Variants in DROSHA observed in about 807,000 individuals in gnomAD.
DROSHA encodes drosha ribonuclease III.
DROSHA carries 56 observed loss-of-function variants against 181.9 expected under a neutral mutation model. That is an observed-to-expected ratio of 0.31 (90% CI 0.25 to 0.38). The LOEUF (loss-of-function observed/expected upper bound fraction) is 0.38, where lower values mean the gene tolerates loss of function less well. Among genes scored for constraint, DROSHA ranks in the 10% least tolerant of loss-of-function variants. The pLI, the probability that DROSHA is intolerant of heterozygous loss-of-function variation, is 1.00. For missense variants in DROSHA, 1,218 were observed against 1,743.5 expected, an observed-to-expected ratio of 0.70 and a Z score of 5.37; for synonymous variants, 524 against 591.2, an observed-to-expected ratio of 0.89 and a Z score of 1.65.
chr5:31,492,495 A>G (rs1033021896), intron 13 of DROSHA, among the ~76,000 whole-genome samples: 1 of 152,262 alleles, frequency 6.6e-6, no homozygotes, highest in African/African-American at 2.4e-5. Flanking sequence ...TGGATATACA[A>G]TAGCTACAAT....
At chr5:31,498,896 C>T (rs957867958) in intron 11 of DROSHA, among the ~76,000 whole-genome samples, 3 of 151,966 alleles carry the variant, frequency 2.0e-5, no homozygotes, top group Admixed American at 6.6e-5. Context: ...AAAGCCAGCA[C>T]AAGAAGTGTG....
chr5:31,528,068 TG>T (rs1740806202), intron 4 of DROSHA, among the ~76,000 whole-genome samples: 2 of 152,136 alleles, frequency 1.3e-5, no homozygotes, highest in East Asian at 1.9e-4. Context: ...CCTACTTCTC[TG>T]GCTGTTCCTC....
intron 11 of DROSHA, among the ~76,000 whole-genome samples, chr5:31,502,181 A>G (rs1395423799): frequency 6.6e-6 from 1 of 152,240 alleles, no homozygotes; most frequent in Non-Finnish European, 1.5e-5. Context: ...CACAAACAGC[A>G]TCAACAGCTG....
intron 20 of DROSHA, among the ~76,000 whole-genome samples, chr5:31,454,989 G>A (rs548826515): frequency 6.8e-5 from 10 of 146,922 alleles, no homozygotes; most frequent in Non-Finnish European, 1.5e-4. Flanking sequence ...AATAACCTTC[G>A]AAATAAGAAA....
intron 24 of DROSHA, among the ~76,000 whole-genome samples, chr5:31,436,745 C>CACACAA (rs1391990077): frequency 0.026 from 86 of 3,358 alleles, 1 homozygote; most frequent in Admixed American, 0.036. Context: ...GAGAGAAACA[C>CACACAA]ACACACACAC....
intron 24 of DROSHA, 61 bp from the exon 25 acceptor site, chr5:31,435,925 T>A: frequency 2.0e-6 from 3 of 1,487,140 alleles, no homozygotes; most frequent in African/African-American, 1.4e-5. Flanking sequence ...TCTGTGGCTC[T>A]GAGTCACAGA....
chr5:31,493,638 G>A lies in DROSHA; in HGVS notation c.1756-345C>T, dbSNP rs1261961829. ...TCTGAACTAACAGAAGTCCTAACAG[G>A]AGCAAGGTAATAACACAGCTGACTC... is the stretch of plus-strand genomic sequence containing the variant. On this transcript the variant is annotated intron_variant, in intron 12 of 35. Coordinates refer to ENST00000344624, the MANE Select transcript of DROSHA (RefSeq NM_001382508.1). 2.2e-4 allele frequency among the ~76,000 whole-genome samples: 34 copies of A among 152,032 alleles called. 1 individual carries two copies. Among genetic ancestry groups the A allele is most frequent in the Admixed American group, 2.2e-3 (34 of 15,268 alleles).
intron 24 of DROSHA, 41 bp from the exon 25 acceptor site, chr5:31,435,905 C>G: frequency 5.7e-6 from 9 of 1,579,804 alleles, no homozygotes; most frequent in Non-Finnish European, 7.8e-6. Context: ...ATATGCATCA[C>G]GACATTCTGT....
chr5:31,447,595 T>G lies in DROSHA; in HGVS notation c.2882+952A>C, dbSNP rs190572954. Among the ~76,000 whole-genome samples the G allele has an allele frequency of 9.2e-5, 14 of 152,282 alleles. No homozygotes were observed. The East Asian group carries it at 1.7e-3, about 19-fold the overall frequency. ...GACAATTCACAGAATGAAAAAAATT[T>G]TTGCAAATCTGATAAGGAATTTGTA... On this transcript the variant is annotated intron_variant, in intron 23 of 35. Transcript: ENST00000344624.
At chr5:31,500,829 C>A (rs1753501854) in intron 11 of DROSHA, among the ~76,000 whole-genome samples, 1 of 152,158 alleles carries the variant, frequency 6.6e-6, no homozygotes, top group South Asian at 2.1e-4. Flanking sequence ...GTCTGACCCA[C>A]AAAGAGTCAT....
chr5:31,449,533 G>T, intron 21 of DROSHA, 114 bp from the exon 22 acceptor site: 3 of 1,161,410 alleles, frequency 2.6e-6, no homozygotes, highest in Non-Finnish European at 3.6e-6. Context: ...ATCAAGACTA[G>T]CCTGGGCAAC....
At chr5:31,499,316 A>G (rs903214750) in intron 11 of DROSHA, among the ~76,000 whole-genome samples, 11 of 152,150 alleles carry the variant, frequency 7.2e-5, no homozygotes, top group African/African-American at 2.7e-4. Context: ...CCAAAACTCC[A>G]TCTTAGCATC....
chr5:31,405,427 G>A (rs1206851659), intron 35 of DROSHA, among the ~76,000 whole-genome samples: 1 of 150,244 alleles, frequency 6.7e-6, no homozygotes, highest in Non-Finnish European at 1.5e-5. Context: ...CAGGTCACCC[G>A]CGCTGAGATT....
At chr5:31,434,617 C>G (rs1744572043) in intron 25 of DROSHA, among the ~76,000 whole-genome samples, 1 of 152,138 alleles carries the variant, frequency 6.6e-6, no homozygotes, top group Admixed American at 6.5e-5. Flanking sequence ...TAAAATTAAC[C>G]ACATTTTGAA....
intron 4 of DROSHA, 124 bp from the exon 5 acceptor site, chr5:31,527,036 G>A (rs1740679063): frequency 1.2e-6 from 1 of 804,698 alleles, no homozygotes; most frequent in Non-Finnish European, 1.9e-6. Context: ...TCAAGCCACT[G>A]GAATAGGCCA....
At chr5:31,447,112 T>C (rs1034105708) in intron 23 of DROSHA, among the ~76,000 whole-genome samples, 1 of 152,140 alleles carries the variant, frequency 6.6e-6, no homozygotes, top group Admixed American at 6.5e-5. Flanking sequence ...TCATGTCCTT[T>C]GCAGGGACAT....
At chr5:31,446,668 T>G in intron 23 of DROSHA, among the ~76,000 whole-genome samples, 1 of 139,700 alleles carries the variant, frequency 7.2e-6, no homozygotes, top group Admixed American at 7.1e-5. Context: ...AAGAGCCCTG[T>G]CTCTATTTAA....
intron 13 of DROSHA, 91 bp downstream of exon 13, chr5:31,493,116 A>T: frequency 7.9e-7 from 1 of 1,266,944 alleles, no homozygotes; most frequent in Non-Finnish European, 1.1e-6. Flanking sequence ...GTTTCTTAGG[A>T]GGCAGATGAC....
intron 29 of DROSHA, chr5:31,421,639 G>T: frequency 2.7e-6 from 1 of 373,250 alleles, no homozygotes; most frequent in African/African-American, 2.0e-5. Context: ...ACACTGCCTG[G>T]TCAGAAGCTG....
Sources: allele counts gnomAD v4.1 joint callset (sites outside exome capture counted in the v4.1 genomes callset), GRCh38; gene constraint gnomAD v4.1.1; transcripts MANE v1.5; gene names NCBI Gene and HGNC (gene_info 2026-07-23, HGNC 2026-07-21).